The following ARHGAP29 variants were observed in gnomAD, a reference collection of about 807,000 sequenced individuals.
The protein encoded by ARHGAP29 is Rho GTPase activating protein 29.
In ARHGAP29, 43 loss-of-function variants were observed where a neutral mutation model predicts 122.6. The ratio of observed to expected loss-of-function variants is 0.35; its 90% CI spans 0.27 to 0.45. ARHGAP29 has a LOEUF of 0.45. Ranked by LOEUF, ARHGAP29 falls within the 20% of genes least tolerant of loss-of-function variation. The pLI is 1.00. For synonymous variants in ARHGAP29, 506 were observed against 497.1 expected, an observed-to-expected ratio of 1.02 and a Z score of -0.24; for missense variants, 1,303 against 1,477.2, an observed-to-expected ratio of 0.88 and a Z score of 1.93.
chr1:94,204,796 T>G (rs1651089516), intron 7 of ARHGAP29, among the ~76,000 whole-genome samples: 1 of 152,220 alleles, frequency 6.6e-6, no homozygotes, highest in Non-Finnish European at 1.5e-5. Context: ...CTGACTGCAT[T>G]TCCTCTTACC....
chr1:94,293,278 C>G, the ARHGAP29 span, among the ~76,000 whole-genome samples: 1 of 152,224 alleles, frequency 6.6e-6, no homozygotes, highest in Non-Finnish European at 1.5e-5. Context: ...GCATGGGACC[C>G]ACTGAGCCAG....
chr1:94,247,394 C>G (rs1408438240), intron 1 of ARHGAP29, among the ~76,000 whole-genome samples: 1 of 151,846 alleles, frequency 6.6e-6, no homozygotes, highest in South Asian at 2.1e-4. Flanking sequence ...GGGTCCGCGG[C>G]GTACCGGCAG....
chr1:94,279,140 C>T (rs1655275145), upstream of ARHGAP29, among the ~76,000 whole-genome samples: 1 of 152,192 alleles, frequency 6.6e-6, no homozygotes, highest in Non-Finnish European at 1.5e-5. Flanking sequence ...CACTATAATA[C>T]TTCTCATGGT....
rs149534929 is a variant in ARHGAP29 at position 94,174,468 on chromosome 1, T to C, written c.3187A>G (p.Thr1063Ala). 119 of 1,614,246 alleles carry C rather than the reference T, an allele frequency of 7.4e-5. No individual in the cohort carries two copies. The African/African-American group carries it at 1.3e-3, about 18-fold the overall frequency. Residue 1063 changes from threonine (T) to alanine (A), a missense_variant, in exon 23 of 23, where the codon ACT (threonine) becomes GCT (alanine). Around this residue, in one of 3 missense-constraint regions of ARHGAP29, gnomAD observed 620 missense variants for 651.2 expected, o/e 0.95. Coordinates refer to ENST00000260526, the MANE Select transcript of ARHGAP29 (RefSeq NM_004815.4). ...CCATTAAATTTGGAACAAACAGTAG[T>C]AGCAGCGTCTTTTCTATTAACTCCT... ...FEGVNRKDAA[T>A]TVCSKFNGFD...
At chr1:94,178,876 G>C (rs577962725) in intron 20 of ARHGAP29, among the ~76,000 whole-genome samples, 2 of 152,228 alleles carry the variant, frequency 1.3e-5, no homozygotes, top group South Asian at 4.2e-4. Flanking sequence ...ATATTTCTCA[G>C]ATGCACAATG....
the ARHGAP29 span, among the ~76,000 whole-genome samples, chr1:94,311,310 T>C: frequency 7.9e-5 from 12 of 152,258 alleles, no homozygotes; most frequent in East Asian, 1.9e-3. Flanking sequence ...TTGATTTCCC[T>C]CTGTTCATGG....
chr1:94,287,491 C>T, the ARHGAP29 span, among the ~76,000 whole-genome samples: 1 of 151,850 alleles, frequency 6.6e-6, no homozygotes, highest in African/African-American at 2.4e-5. Context: ...AATTAAACCT[C>T]TTTTACTATT....
intron 1 of ARHGAP29, among the ~76,000 whole-genome samples, chr1:94,253,635 C>CA (rs756623447): frequency 7.3e-6 from 1 of 136,744 alleles, no homozygotes; most frequent in African/African-American, 2.9e-5. Context: ...ATCTGGAACA[C>CA]ACACGCACGC....
chr1:94,180,092 T>C (rs886136304), intron 19 of ARHGAP29, 135 bp from the exon 20 acceptor site: 1 of 626,102 alleles, frequency 1.6e-6, no homozygotes, highest in Non-Finnish European at 2.7e-6. Context: ...CATTTAGTAA[T>C]GTAAATGTTT....
chr1:94,191,110 A>G (rs1343373505), intron 12 of ARHGAP29: 2 of 152,160 alleles, frequency 1.3e-5, no homozygotes, highest in Non-Finnish European at 2.9e-5. Context: ...AAGTATATGG[A>G]AAGAGCTGGA....
the ARHGAP29 span, among the ~76,000 whole-genome samples, chr1:94,307,678 G>C: frequency 6.6e-6 from 1 of 152,196 alleles, no homozygotes; most frequent in East Asian, 1.9e-4. Context: ...AAAATGATGA[G>C]AAAGGATAGG....
intron 2 of ARHGAP29, 150 bp downstream of exon 2, chr1:94,231,257 C>T (rs1652903211): frequency 1.6e-6 from 1 of 638,926 alleles, no homozygotes; most frequent in Non-Finnish European, 2.7e-6. Flanking sequence ...ATAGTTTACA[C>T]TGTAACCATC....
chr1:94,305,804 T>C, the ARHGAP29 span, among the ~76,000 whole-genome samples: 1 of 152,322 alleles, frequency 6.6e-6, no homozygotes, highest in South Asian at 2.1e-4. Context: ...AAGAATACAT[T>C]GATGGTTCAA....
the ARHGAP29 span, among the ~76,000 whole-genome samples, chr1:94,292,086 C>T: frequency 3.9e-5 from 6 of 152,318 alleles, no homozygotes; most frequent in Non-Finnish European, 1.5e-5. Context: ...CTTTCAGATA[C>T]ACCATTCAAA....
At chr1:94,258,373 A>G (rs1654440676) in intron 1 of ARHGAP29, among the ~76,000 whole-genome samples, 1 of 152,230 alleles carries the variant, frequency 6.6e-6, no homozygotes, top group Admixed American at 6.5e-5. Flanking sequence ...TGAATTTTTT[A>G]ATGTGGACAA....
At chr1:94,196,894 C>A (rs569202753) in intron 12 of ARHGAP29, among the ~76,000 whole-genome samples, 1 of 151,732 alleles carries the variant, frequency 6.6e-6, no homozygotes, top group East Asian at 1.9e-4. Context: ...ATGCTTAGAG[C>A]GGAAAATTTA....
At chr1:94,242,454 G>A (rs184259853), upstream of ARHGAP29, among the ~76,000 whole-genome samples, 16 of 152,148 alleles carry the variant, frequency 1.1e-4, no homozygotes, top group East Asian at 7.7e-4. Context: ...TGACAATAGC[G>A]TAAAGGAGGA....
At chr1:94,256,574 T>TTTTTTTTTTTTTTTTG (rs1654360171) in intron 1 of ARHGAP29, among the ~76,000 whole-genome samples, 1 of 111,274 alleles carries the variant, frequency 9.0e-6, no homozygotes, top group African/African-American at 3.2e-5. Flanking sequence ...TTTTTTTTTT[T>TTTTTTTTTTTTTTTTG]TGAGACAGAG....
the ARHGAP29 span, among the ~76,000 whole-genome samples, chr1:94,280,245 AC>A: frequency 6.6e-6 from 1 of 152,042 alleles, no homozygotes; most frequent in African/African-American, 2.4e-5. Context: ...GAAGCCTCCA[AC>A]CTTTCCATCT....
Sources: gnomAD v4.1 joint callset for allele counts (sites outside exome capture counted in the v4.1 genomes callset) on GRCh38, gnomAD v4.1.1 for gene constraint, gnomAD v4.1.1 regional missense constraint, MANE v1.5 for transcripts, NCBI Gene and HGNC (gene_info 2026-07-23, HGNC 2026-07-21) for gene names.